The following PRDM11 variants were observed in gnomAD, a reference collection of about 807,000 sequenced individuals.
PRDM11 encodes PR domain-containing protein 11.
PRDM11 carries 20 observed loss-of-function variants against 97.8 expected under a neutral mutation model. The observed-to-expected ratio is 0.20, with a 90% CI of 0.14 to 0.30. The LOEUF (loss-of-function observed/expected upper bound fraction) is 0.30. Ranked by LOEUF, PRDM11 falls within the 10% of genes least tolerant of loss-of-function variation. PRDM11 has a pLI of 1.00. For missense variants in PRDM11, 1,139 were observed against 1,555.2 expected (o/e 0.73, Z 4.50); for synonymous variants, 599 against 637.7 (o/e 0.94, Z 0.91).
intron 1 of PRDM11, among the ~76,000 whole-genome samples, chr11:45,119,720 T>G (rs1454300116): frequency 6.7e-6 from 1 of 148,886 alleles, no homozygotes; most frequent in African/African-American, 2.5e-5. Context: ...AATACTGTAA[T>G]GCAGCCACAA....
intron 1 of PRDM11, among the ~76,000 whole-genome samples, chr11:45,169,480 T>C (rs1435752253): frequency 6.6e-6 from 1 of 152,244 alleles, no homozygotes; most frequent in Non-Finnish European, 1.5e-5. Context: ...TTGTGCCAGA[T>C]AATGTTCCAA....
intron 1 of PRDM11, among the ~76,000 whole-genome samples, chr11:45,129,353 A>C (rs970539589): frequency 7.9e-5 from 12 of 152,202 alleles, no homozygotes; most frequent in African/African-American, 2.4e-4. Flanking sequence ...GAAAGAATAA[A>C]ACTATTATTT....
chr11:45,162,869 C>G (rs969781769), intron 1 of PRDM11, among the ~76,000 whole-genome samples: 3 of 152,218 alleles, frequency 2.0e-5, no homozygotes, highest in Admixed American at 2.0e-4. Context: ...TAAATAATCT[C>G]TGAATGAATG....
At chr11:45,195,049 C>T (rs766033574) in intron 4 of PRDM11, among the ~76,000 whole-genome samples, 1 of 151,822 alleles carries the variant, frequency 6.6e-6, no homozygotes, top group Non-Finnish European at 1.5e-5. Context: ...TCTAGAATGC[C>T]TTCCTGGCAT....
chr11:45,180,481 G>A (rs967427789), intron 1 of PRDM11, among the ~76,000 whole-genome samples: 12 of 151,884 alleles, frequency 7.9e-5, no homozygotes, highest in African/African-American at 2.9e-4. Context: ...ATCGGGCCCC[G>A]TGGGAGGCCC....
At chr11:45,218,052 A>G (rs1426098679) in intron 5 of PRDM11, among the ~76,000 whole-genome samples, 1 of 152,018 alleles carries the variant, frequency 6.6e-6, no homozygotes, top group African/African-American at 2.4e-5. Context: ...TTTCAACACC[A>G]TTTTTCCATG....
intron 1 of PRDM11, among the ~76,000 whole-genome samples, chr11:45,162,930 C>G (rs1210273311): frequency 6.6e-6 from 1 of 152,230 alleles, no homozygotes. Context: ...GTTTTCTCAC[C>G]TTTCCTTCAG....
rs73464503 is a variant in PRDM11, at chr11:45,101,213, A to C, written c.96+5312A>C. Among the ~76,000 whole-genome samples, 812 of 152,310 alleles carry C rather than the reference A, an allele frequency of 5.3e-3. 4 individuals are homozygous for C. The highest frequency in any genetic ancestry group is 0.019 in the African/African-American group (788 of 41,572). On this transcript the variant is annotated intron_variant, in intron 1 of 6. Coordinates refer to the PRDM11 transcript ENST00000530656. ...TAGGGAGGGGGTGCTGTCAGGCTGC[A>C]GAGCAGAGACTTGCCCAGTCCTCAG...
chr11:45,143,326 T>C (rs1851444871), upstream of PRDM11, among the ~76,000 whole-genome samples: 1 of 152,168 alleles, frequency 6.6e-6, no homozygotes, highest in Non-Finnish European at 1.5e-5. Context: ...GTGTCATTAT[T>C]ACTAGTAGGG....
At chr11:45,174,325 C>G (rs576989081) in intron 1 of PRDM11, among the ~76,000 whole-genome samples, 25 of 152,324 alleles carry the variant, frequency 1.6e-4, no homozygotes, top group Admixed American at 1.5e-3. Context: ...AATTTCTTTG[C>G]TTTTGCTTAG....
intron 1 of PRDM11, among the ~76,000 whole-genome samples, chr11:45,181,543 T>G (rs1852500454): frequency 6.6e-6 from 1 of 152,190 alleles, no homozygotes; most frequent in Non-Finnish European, 1.5e-5. Flanking sequence ...GGCTGGTGGC[T>G]CCAGTCGTCC....
chr11:45,148,091 G>A (rs1851567951), intron 1 of PRDM11, among the ~76,000 whole-genome samples: 1 of 152,132 alleles, frequency 6.6e-6, no homozygotes, highest in South Asian at 2.1e-4. Context: ...CGTAGTTGGG[G>A]AGCAGGGCAC....
rs1339275097 is a variant in PRDM11, at chr11:45,219,720, C to G, written c.705C>G (p.Ser235Arg). The G allele has an allele frequency of 6.2e-7, 1 of 1,613,978 alleles. No individual in the cohort carries two copies. The highest frequency in any genetic ancestry group is 1.7e-5 in the Admixed American group (1 of 60,032). Residue 235 changes from serine to arginine, a missense_variant, in exon 6 of 8, where the codon AGC becomes AGG. By Grantham distance (110) the Ser-to-Arg change is moderately radical. This residue lies in a region of PRDM11 where 429 missense variants were observed against 510.3 expected (regional missense o/e 0.84). Transcript: ENST00000683152. This position sits in a 1 kb window ranked among gnomAD's most constrained non-coding sequence, Gnocchi z 4.2. ...AGGACTACATGAAGCGCCTGCACAG[C>G]ATGTCCCAGGAAACCATTCACCGCA... is the stretch of plus-strand genomic sequence containing the variant. Reference protein sequence around the residue: ...YSEDYMKRLHSMSQETIHRNL... With the variant: ...YSEDYMKRLHRMSQETIHRNL...
At chr11:45,145,844 A>G (rs1851495522), upstream of PRDM11, among the ~76,000 whole-genome samples, 1 of 152,146 alleles carries the variant, frequency 6.6e-6, no homozygotes, top group Non-Finnish European at 1.5e-5. Context: ...CAAGCACTCA[A>G]GCACTCTGTG....
At chr11:45,172,799 G>A (rs919355320) in intron 1 of PRDM11, among the ~76,000 whole-genome samples, 2 of 152,178 alleles carry the variant, frequency 1.3e-5, no homozygotes, top group African/African-American at 2.4e-5. Context: ...TCCAGGACTT[G>A]AGCATCCTTG....
chr11:45,179,288 G>T (rs1274252359), intron 1 of PRDM11, among the ~76,000 whole-genome samples: 1 of 152,210 alleles, frequency 6.6e-6, no homozygotes, highest in Non-Finnish European at 1.5e-5. Context: ...GATGTCACTA[G>T]CACTCATCTT....
At chr11:45,125,111 T>C (rs1852534460) in intron 1 of PRDM11, among the ~76,000 whole-genome samples, 1 of 152,192 alleles carries the variant, frequency 6.6e-6, no homozygotes, top group South Asian at 2.1e-4. Context: ...TTCTAGATTT[T>C]CTAGTTTATT....
Position 45,140,983 on chromosome 11 carries a change from G to C in PRDM11, c.97-40778G>C, listed in dbSNP as rs569864619. Among the ~76,000 whole-genome samples, 10 of 152,198 alleles carry C rather than the reference G, an allele frequency of 6.6e-5. No homozygotes were observed. The East Asian group carries it at 1.9e-3, about 29-fold the overall frequency. On this transcript the variant is annotated intron_variant, in intron 1 of 6. Coordinates refer to the PRDM11 transcript ENST00000530656. ...TCCAAAATGGAGAGAGTTGCCCAGA[G>C]TCCCAAGTTTGGAAAGAGTACTCCA...
chr11:45,164,779 C>G (rs1852019885), intron 1 of PRDM11, among the ~76,000 whole-genome samples: 1 of 152,150 alleles, frequency 6.6e-6, no homozygotes, highest in Non-Finnish European at 1.5e-5. Context: ...AGAGAGACCC[C>G]TGAGATCTGC....
Sources: gnomAD v4.1 joint callset for allele counts (sites outside exome capture counted in the v4.1 genomes callset) on GRCh38, gnomAD v4.1.1 for gene constraint, gnomAD v4.1.1 regional missense constraint, Gnocchi (gnomAD v3.1) non-coding constraint, MANE v1.5 for transcripts, NCBI Gene and HGNC (gene_info 2026-07-23, HGNC 2026-07-21) for gene names.